The following SLC26A7 variants were observed in gnomAD, a reference collection of about 807,000 sequenced individuals.
SLC26A7 encodes solute carrier family 26 member 7, also known as anion exchange transporter.
In SLC26A7, 59 loss-of-function variants were observed where a neutral mutation model predicts 82.5. The observed-to-expected ratio is 0.72, with a 90% CI of 0.58 to 0.89. The LOEUF is 0.89. Ranked by LOEUF, SLC26A7 falls within the 40% of genes least tolerant of loss-of-function variation. The pLI, the probability that SLC26A7 is intolerant of heterozygous loss-of-function variation, is 0.00. For synonymous variants in SLC26A7, 271 were observed against 274.3 expected (o/e 0.99, Z 0.12); for missense variants, 820 against 793.0 (o/e 1.03, Z -0.41).
intron 2 of SLC26A7, among the ~76,000 whole-genome samples, chr8:91,258,662 T>A (rs1468670755): frequency 6.6e-6 from 1 of 152,080 alleles, no homozygotes; most frequent in Non-Finnish European, 1.5e-5. Context: ...ATAATGACCC[T>A]AAGAGTTTGA....
chr8:91,261,568 G>A (rs908408750), intron 2 of SLC26A7, among the ~76,000 whole-genome samples: 4 of 152,134 alleles, frequency 2.6e-5, no homozygotes, highest in Admixed American at 2.0e-4. Flanking sequence ...TGATGATTTG[G>A]TGGTAAAAAT....
At chr8:91,362,239 G>C (rs1814069415) in intron 11 of SLC26A7, 114 bp from the exon 12 acceptor site, 1 of 654,168 alleles carries the variant, frequency 1.5e-6, no homozygotes, top group Non-Finnish European at 2.6e-6. Flanking sequence ...ATATTTTCTT[G>C]CTGAAAGATT....
At chr8:91,364,069 A>G (rs1359410716) in intron 13 of SLC26A7, among the ~76,000 whole-genome samples, 1 of 152,116 alleles carries the variant, frequency 6.6e-6, no homozygotes, top group Non-Finnish European at 1.5e-5. Flanking sequence ...TAAGGACACA[A>G]CTTGTATAAA....
intron 2 of SLC26A7, among the ~76,000 whole-genome samples, chr8:91,267,560 A>G (rs1378637139): frequency 1.3e-5 from 2 of 151,800 alleles, no homozygotes; most frequent in African/African-American, 4.8e-5. Context: ...GTTGTTCACA[A>G]TAGTCTTTTA....
intron 4 of SLC26A7, among the ~76,000 whole-genome samples, chr8:91,317,957 TAAAATA>T (rs1812686146): frequency 8.3e-6 from 1 of 121,090 alleles, no homozygotes; most frequent in Admixed American, 7.9e-5. Flanking sequence ...TATATATATA[TAAAATA>T]AAAATAAAAA....
At chr8:91,210,562 G>GACAC (rs35968986) in intron 1 of SLC26A7, among the ~76,000 whole-genome samples, 7,212 of 146,092 alleles carry the variant, frequency 0.049, 504 homozygotes, top group African/African-American at 0.16. Flanking sequence ...CACACACACA[G>GACAC]ACACACACAC....
At chr8:91,260,758 G>C (rs1406923109) in intron 2 of SLC26A7, among the ~76,000 whole-genome samples, 1 of 151,950 alleles carries the variant, frequency 6.6e-6, no homozygotes. Context: ...GTGATTCTTC[G>C]TGTTCATGCT....
chr8:91,241,332 T>TA (rs71273690), intron 2 of SLC26A7, among the ~76,000 whole-genome samples: 104,250 of 151,908 alleles, frequency 0.69, 36,151 homozygotes, highest in Middle Eastern at 0.76. Flanking sequence ...ATTAAAAAGC[T>TA]GAACAAACTA....
At chr8:91,225,643 GTTTT>G (rs55732709) in intron 2 of SLC26A7, among the ~76,000 whole-genome samples, 425 of 36,096 alleles carry the variant, frequency 0.012, no homozygotes, top group African/African-American at 0.03. Context: ...CTAGAAAAGT[GTTTT>G]TTTTTTTTTT....
chr8:91,304,995 A>G (rs1425342781), intron 4 of SLC26A7, among the ~76,000 whole-genome samples: 1 of 152,054 alleles, frequency 6.6e-6, no homozygotes, highest in Non-Finnish European at 1.5e-5. Flanking sequence ...GATTCCTCTT[A>G]CTGTTCCTGT....
intron 2 of SLC26A7, among the ~76,000 whole-genome samples, chr8:91,267,330 T>C (rs1412240217): frequency 6.6e-6 from 1 of 151,926 alleles, no homozygotes; most frequent in Non-Finnish European, 1.5e-5. Flanking sequence ...TTGAGAAGAA[T>C]TGACATTAGT....
At chr8:91,318,705 G>A (rs560809704) in intron 5 of SLC26A7, among the ~76,000 whole-genome samples, 1 of 152,246 alleles carries the variant, frequency 6.6e-6, no homozygotes, top group South Asian at 2.1e-4. Context: ...TTATGGCCAA[G>A]TTTAACAATA....
chr8:91,322,664 C>A (rs774203071), intron 5 of SLC26A7, among the ~76,000 whole-genome samples: 1 of 152,146 alleles, frequency 6.6e-6, no homozygotes, highest in Non-Finnish European at 1.5e-5. Flanking sequence ...TCTCAGCCTG[C>A]AGCAGCCTAT....
At chr8:91,369,240 T>C (rs1814285037) in intron 14 of SLC26A7, among the ~76,000 whole-genome samples, 1 of 152,166 alleles carries the variant, frequency 6.6e-6, no homozygotes, top group African/African-American at 2.4e-5. Flanking sequence ...TAGTGACGAG[T>C]GAAGAAATAT....
chr8:91,355,576 T>G (rs992792587), intron 11 of SLC26A7, among the ~76,000 whole-genome samples: 2 of 152,056 alleles, frequency 1.3e-5, no homozygotes, highest in South Asian at 4.1e-4. Context: ...TTTTCTTTCC[T>G]GAATTATTCT....
At chr8:91,353,407 C>A (rs978324396) in intron 11 of SLC26A7, among the ~76,000 whole-genome samples, 1 of 152,146 alleles carries the variant, frequency 6.6e-6, no homozygotes, top group African/African-American at 2.4e-5. Flanking sequence ...ATAGGGTGAA[C>A]CTCTTAATGG....
At chr8:91,295,447 G>A in intron 3 of SLC26A7, 84 bp from the exon 4 acceptor site, 1 of 1,478,600 alleles carries the variant, frequency 6.8e-7, no homozygotes, top group Non-Finnish European at 9.2e-7. Context: ...GTTTCACAAT[G>A]TAGCTTCGAC....
At chr8:91,296,077 A>C (rs953131182) in intron 4 of SLC26A7, among the ~76,000 whole-genome samples, 1 of 152,128 alleles carries the variant, frequency 6.6e-6, no homozygotes, top group Non-Finnish European at 1.5e-5. Context: ...TAGGAAGGAG[A>C]TGTGACCAGA....
intron 2 of SLC26A7, among the ~76,000 whole-genome samples, chr8:91,269,000 G>T (rs1811192624): frequency 6.6e-6 from 1 of 150,502 alleles, no homozygotes; most frequent in Non-Finnish European, 1.5e-5. Context: ...CTCCCATTTT[G>T]ACTTTTTGAT....
Sources: allele counts gnomAD v4.1 joint callset (sites outside exome capture counted in the v4.1 genomes callset), GRCh38; gene constraint gnomAD v4.1.1; transcripts MANE v1.5; gene names NCBI Gene and HGNC (gene_info 2026-07-23, HGNC 2026-07-21).